Variants in SGCD observed in about 807,000 individuals in gnomAD.
The protein encoded by SGCD is sarcoglycan delta.
A neutral mutation model predicts 36.6 loss-of-function variants in SGCD; 18 were observed. The ratio of observed to expected loss-of-function variants is 0.49; its 90% confidence interval spans 0.34 to 0.73. SGCD has a LOEUF of 0.73. SGCD is among the 30% of genes least tolerant of loss of function. The pLI, the probability that SGCD is intolerant of heterozygous loss-of-function variation, is 0.01. For missense variants in SGCD, 387 were observed against 346.7 expected (o/e 1.12, Z -0.92); for synonymous variants, 133 against 130.6 (o/e 1.02, Z -0.12).
chr5:156,068,637 C>G (rs1166039023), intron 1 of SGCD, among the ~76,000 whole-genome samples: 2 of 151,696 alleles, frequency 1.3e-5, no homozygotes, highest in Non-Finnish European at 2.9e-5. Context: ...GGTATATACC[C>G]AGTAATGGGA....
At chr5:155,893,047 C>A (rs573536018) in intron 1 of SGCD, among the ~76,000 whole-genome samples, 1 of 152,238 alleles carries the variant, frequency 6.6e-6, no homozygotes, top group Admixed American at 6.5e-5. Flanking sequence ...TTCCCATATT[C>A]CATTGCACAG....
chr5:156,086,189 T>C (rs1034134585), intron 1 of SGCD, among the ~76,000 whole-genome samples: 3 of 152,224 alleles, frequency 2.0e-5, no homozygotes, highest in Admixed American at 6.5e-5. Context: ...TATAGCAGAA[T>C]GCTGTAATTT....
intron 3 of SGCD, among the ~76,000 whole-genome samples, chr5:156,137,993 T>C (rs893381481): frequency 6.6e-6 from 1 of 152,178 alleles, no homozygotes; most frequent in Admixed American, 6.5e-5. Context: ...AGGTATACAC[T>C]CATGGAACCC....
At chr5:155,833,856 G>T in the SGCD span, among the ~76,000 whole-genome samples, 1 of 152,094 alleles carries the variant, frequency 6.6e-6, no homozygotes, top group Non-Finnish European at 1.5e-5. Context: ...AACCTATTTG[G>T]CCTCTGGCTA....
intron 3 of SGCD, among the ~76,000 whole-genome samples, chr5:156,386,631 A>T (rs1771289759): frequency 1.3e-5 from 2 of 152,250 alleles, no homozygotes; most frequent in African/African-American, 2.4e-5. Flanking sequence ...GAAATGAAGG[A>T]TGTGGAAATA....
chr5:156,070,980 C>T (rs1394965395), intron 1 of SGCD, among the ~76,000 whole-genome samples: 1 of 151,868 alleles, frequency 6.6e-6, no homozygotes, highest in Non-Finnish European at 1.5e-5. Flanking sequence ...TGTTGATATC[C>T]CCTTTATCAT....
At chr5:155,814,222 G>T in the SGCD span, among the ~76,000 whole-genome samples, 363 of 152,232 alleles carry the variant, frequency 2.4e-3, no homozygotes, top group African/African-American at 8.5e-3. Context: ...ACATTACCTT[G>T]GTCCTCTCCA....
intron 1 of SGCD, among the ~76,000 whole-genome samples, chr5:155,877,964 T>C (rs1488625627): frequency 6.6e-6 from 1 of 152,076 alleles, no homozygotes; most frequent in African/African-American, 2.4e-5. Flanking sequence ...CCACTTTTTG[T>C]TTAGCAGTTA....
chr5:156,078,583 A>ATG (rs200639684), intron 1 of SGCD, among the ~76,000 whole-genome samples: 2 of 139,876 alleles, frequency 1.4e-5, no homozygotes, highest in East Asian at 3.9e-4. Flanking sequence ...TTATATTTAT[A>ATG]TATATTTATA....
intron 3 of SGCD, among the ~76,000 whole-genome samples, chr5:156,182,565 C>T (rs1763634675): frequency 6.6e-6 from 1 of 152,174 alleles, no homozygotes; most frequent in South Asian, 2.1e-4. Context: ...CAGCTGCACT[C>T]CAGCCTGGGT....
the SGCD span, among the ~76,000 whole-genome samples, chr5:155,804,513 G>A: frequency 1.6e-4 from 25 of 152,176 alleles, no homozygotes; most frequent in African/African-American, 5.1e-4. Flanking sequence ...TCCACTGTGT[G>A]CCTTTCTTGC....
chr5:156,595,029 A>T lies in SGCD; in HGVS notation c.480A>T (p.Gly160=), dbSNP rs1453634873. ...CAGACAATAATGAAGTGGTAGTAGGAGCTGAAAGATTACGAGTTTTAGGTA... is the reference window on the plus strand; with the variant it reads ...CAGACAATAATGAAGTGGTAGTAGGTGCTGAAAGATTACGAGTTTTAGGTA... ...FSADNNEVVV[G]AERLRVLGAE... is the part of the protein sequence containing the mutation. Residue 160 remains glycine, a synonymous_variant, in exon 6 of 9, where the codon GGA becomes GGT. Transcript: ENST00000337851. 1 of 1,611,938 alleles carries T rather than the reference A, an allele frequency of 6.2e-7. No individual in the cohort carries two copies. Among genetic ancestry groups the T allele is most frequent in the Admixed American group, 1.7e-5 (1 of 59,814 alleles).
chr5:155,936,736 G>T (rs1311199750), intron 1 of SGCD, among the ~76,000 whole-genome samples: 1 of 152,168 alleles, frequency 6.6e-6, no homozygotes, highest in African/African-American at 2.4e-5. Context: ...CACTAGGGAC[G>T]CGCCCCCTTT....
chr5:156,428,424 T>C (rs954291566), intron 3 of SGCD, among the ~76,000 whole-genome samples: 1 of 152,170 alleles, frequency 6.6e-6, no homozygotes, highest in Non-Finnish European at 1.5e-5. Context: ...TTGGATCTTC[T>C]CTTTTCTTTT....
intron 1 of SGCD, among the ~76,000 whole-genome samples, chr5:155,908,576 G>T (rs1756570549): frequency 6.6e-6 from 1 of 152,056 alleles, no homozygotes; most frequent in Non-Finnish European, 1.5e-5. Flanking sequence ...CGAGATTTTT[G>T]AATCTATTTC....
At chr5:156,486,854 A>C (rs938258173) in intron 3 of SGCD, among the ~76,000 whole-genome samples, 1 of 152,024 alleles carries the variant, frequency 6.6e-6, no homozygotes, top group Non-Finnish European at 1.5e-5. Flanking sequence ...GAACTGGTCC[A>C]CTCAGCCAGC....
intron 7 of SGCD, among the ~76,000 whole-genome samples, chr5:156,705,785 G>A (rs190079053): frequency 6.6e-6 from 1 of 152,222 alleles, no homozygotes; most frequent in East Asian, 1.9e-4. Context: ...AGGACTCTGA[G>A]ATCAAAGGAA....
chr5:156,572,782 C>T (rs568386521), intron 4 of SGCD, among the ~76,000 whole-genome samples: 1 of 152,260 alleles, frequency 6.6e-6, no homozygotes, highest in African/African-American at 2.4e-5. Flanking sequence ...GACATCACCC[C>T]TTTCCAACCA....
chr5:156,121,436 C>T (rs1468343353), intron 2 of SGCD, among the ~76,000 whole-genome samples: 2 of 151,896 alleles, frequency 1.3e-5, no homozygotes, highest in South Asian at 2.1e-4. Context: ...GTGGTGGAAC[C>T]GGAACCTGAA....
Sources: allele counts gnomAD v4.1 joint callset (sites outside exome capture counted in the v4.1 genomes callset), GRCh38; gene constraint gnomAD v4.1.1; transcripts MANE v1.5; gene names NCBI Gene and HGNC (gene_info 2026-07-23, HGNC 2026-07-21).